The following CAST variants were observed in gnomAD, a reference collection of about 807,000 sequenced individuals.
CAST encodes MIR583 host.
A neutral mutation model predicts 119.6 loss-of-function variants in CAST; 76 were observed. That is an observed-to-expected ratio of 0.64 (90% CI 0.53 to 0.77). The LOEUF is 0.77. Among genes scored for constraint, CAST ranks in the 30% least tolerant of loss-of-function variants. CAST has a pLI of 0.00. For missense variants in CAST, 953 were observed against 946.5 expected (o/e 1.01, Z -0.09); for synonymous variants, 319 against 331.6 (o/e 0.96, Z 0.41).
At chr5:96,401,439 C>G in the CAST span, among the ~76,000 whole-genome samples, 1 of 152,218 alleles carries the variant, frequency 6.6e-6, no homozygotes, top group Non-Finnish European at 1.5e-5. Context: ...ACCTGGCATG[C>G]CAGAAAGGGA....
chr5:96,709,531 G>A (rs1755683748), intron 3 of CAST, among the ~76,000 whole-genome samples: 1 of 151,998 alleles, frequency 6.6e-6, no homozygotes, highest in Non-Finnish European at 1.5e-5. Context: ...GAACAAAATG[G>A]AGTTCTTTTA....
the CAST span, among the ~76,000 whole-genome samples, chr5:95,997,321 A>C: frequency 1.3e-5 from 2 of 152,186 alleles, no homozygotes; most frequent in Non-Finnish European, 2.9e-5. Flanking sequence ...CTGCTCTTCC[A>C]GCCCTCCTCT....
At chr5:96,415,971 A>T in the CAST span, 1 of 1,028,554 alleles carries the variant, frequency 9.7e-7, no homozygotes, top group Admixed American at 1.7e-5. Context: ...TCCCCCATTT[A>T]CAATGGGTGA....
the CAST span, among the ~76,000 whole-genome samples, chr5:96,112,780 G>A: frequency 2.0e-5 from 3 of 152,284 alleles, no homozygotes; most frequent in South Asian, 6.2e-4. Context: ...GAACATTTAT[G>A]TTAGCCAACA....
chr5:96,361,861 T>A, the CAST span, among the ~76,000 whole-genome samples: 34 of 148,242 alleles, frequency 2.3e-4, no homozygotes, highest in African/African-American at 8.0e-4. Context: ...ATACTTTAAG[T>A]TCTAGGGTAC....
intron 1 of CAST, among the ~76,000 whole-genome samples, chr5:96,597,072 T>A (rs1747064023): frequency 6.6e-6 from 1 of 152,210 alleles, no homozygotes; most frequent in Admixed American, 6.5e-5. Context: ...AACATGTGAA[T>A]TTTGTGGGGG....
At chr5:96,717,037 TATTCTG>T (rs1757315738) in intron 3 of CAST, among the ~76,000 whole-genome samples, 1 of 152,198 alleles carries the variant, frequency 6.6e-6, no homozygotes, top group Non-Finnish European at 1.5e-5. Context: ...AACTGTATCT[TATTCTG>T]TGTTTAAATG....
intron 1 of CAST, among the ~76,000 whole-genome samples, chr5:96,542,444 T>G (rs1328523543): frequency 1.6e-5 from 2 of 122,072 alleles, no homozygotes; most frequent in South Asian, 3.0e-4. Context: ...CACCAGCATT[T>G]GGTATTGTCA....
intron 1 of CAST, among the ~76,000 whole-genome samples, chr5:96,544,535 G>A (rs965410893): frequency 1.3e-5 from 2 of 152,046 alleles, no homozygotes; most frequent in Non-Finnish European, 2.9e-5. Flanking sequence ...TATCTGTGAA[G>A]TGGTATAGTG....
In CAST at chr5:96,638,383, G is replaced by A. The variant is rs187034934; in HGVS notation, c.61-37156G>A. ...ATCATGCCACTGCACTCCAGCCTAGGCAACAGAGCGAGACTCCATCTCAAA... is the reference window on the plus strand; with the variant it reads ...ATCATGCCACTGCACTCCAGCCTAGACAACAGAGCGAGACTCCATCTCAAA... On this transcript the variant is annotated intron_variant, in intron 1 of 11. Coordinates refer to the CAST transcript ENST00000505143. 2.5e-3 allele frequency among the ~76,000 whole-genome samples: 382 copies of A among 152,226 alleles called. 1 individual carries two copies. Among genetic ancestry groups the A allele is most frequent in the Non-Finnish European group, 4.4e-3 (301 of 68,016 alleles).
the CAST span, among the ~76,000 whole-genome samples, chr5:96,187,211 T>C: frequency 6.6e-6 from 1 of 152,158 alleles, no homozygotes; most frequent in Admixed American, 6.5e-5. Context: ...CGTATCATTT[T>C]TGGTTGTGTT....
At chr5:96,413,538 G>C in the CAST span, among the ~76,000 whole-genome samples, 1 of 152,196 alleles carries the variant, frequency 6.6e-6, no homozygotes, top group Non-Finnish European at 1.5e-5. Flanking sequence ...AGTGGCTCAT[G>C]CCTTTAATAC....
At chr5:96,489,898 G>A in the CAST span, among the ~76,000 whole-genome samples, 1 of 152,198 alleles carries the variant, frequency 6.6e-6, no homozygotes, top group Non-Finnish European at 1.5e-5. Context: ...TTGAGGCTGT[G>A]AATAAGAAAG....
chr5:96,452,977 C>A, the CAST span, among the ~76,000 whole-genome samples: 2,696 of 93,736 alleles, frequency 0.029, 148 homozygotes, highest in African/African-American at 0.1. Flanking sequence ...AAAAAAAAAA[C>A]AGAAGAAAGA....
chr5:96,209,462 G>T, the CAST span, among the ~76,000 whole-genome samples: 1 of 151,650 alleles, frequency 6.6e-6, no homozygotes, highest in East Asian at 1.9e-4. Context: ...TAAGTCTTTT[G>T]TTTCCATATT....
chr5:96,419,256 C>T, the CAST span, among the ~76,000 whole-genome samples: 1 of 149,268 alleles, frequency 6.7e-6, no homozygotes, highest in Admixed American at 6.7e-5. Flanking sequence ...AAATAATCTA[C>T]CTCATTAAGT....
the CAST span, among the ~76,000 whole-genome samples, chr5:96,196,936 G>C: frequency 6.6e-6 from 1 of 152,176 alleles, no homozygotes; most frequent in Admixed American, 6.5e-5. Flanking sequence ...GCTTATTAGA[G>C]TAATGCTTTT....
At chr5:96,413,295 G>A in the CAST span, among the ~76,000 whole-genome samples, 6 of 152,260 alleles carry the variant, frequency 3.9e-5, no homozygotes, top group East Asian at 1.9e-4. Flanking sequence ...GCTGTCACCC[G>A]TCATCAGACT....
At chr5:96,752,160 C>T (rs962319489) in intron 20 of CAST, among the ~76,000 whole-genome samples, 1 of 152,128 alleles carries the variant, frequency 6.6e-6, no homozygotes, top group Non-Finnish European at 1.5e-5. Flanking sequence ...TTAAGGAAAC[C>T]CAGAGACCTG....
Sources: allele counts gnomAD v4.1 joint callset (sites outside exome capture counted in the v4.1 genomes callset), GRCh38; gene constraint gnomAD v4.1.1; transcripts MANE v1.5; gene names NCBI Gene and HGNC (gene_info 2026-07-23, HGNC 2026-07-21).